Variants in PRKCQ observed in about 807,000 individuals in gnomAD.
PRKCQ encodes protein kinase C theta, also known as protein kinase C theta type.
Under a neutral mutation model 91.2 loss-of-function variants are expected in PRKCQ, and 41 were observed. The ratio of observed to expected loss-of-function variants is 0.45; its 90% CI spans 0.35 to 0.58. The LOEUF (loss-of-function observed/expected upper bound fraction) is 0.58, where lower values mean the gene tolerates loss of function less well. PRKCQ is among the 20% of genes least tolerant of loss of function. PRKCQ has a pLI of 0.00. For missense variants in PRKCQ, 673 were observed against 896.5 expected (o/e 0.75, Z 3.18); for synonymous variants, 307 against 316.9 (o/e 0.97, Z 0.33).
intron 8 of PRKCQ, among the ~76,000 whole-genome samples, chr10:6,490,823 C>T (rs1837255339): frequency 6.6e-6 from 1 of 151,448 alleles, no homozygotes. Flanking sequence ...CCTTTTGTGG[C>T]TCTATTCTCT....
At chr10:6,436,562 C>T (rs533291266) in intron 16 of PRKCQ, among the ~76,000 whole-genome samples, 57 of 152,292 alleles carry the variant, frequency 3.7e-4, no homozygotes, top group African/African-American at 1.3e-3. Flanking sequence ...CTGAGAGTCA[C>T]GCCCACCCTC....
At chr10:6,403,300 C>T in the PRKCQ span, among the ~76,000 whole-genome samples, 1 of 152,226 alleles carries the variant, frequency 6.6e-6, no homozygotes, top group Non-Finnish European at 1.5e-5. Flanking sequence ...AGTTCGCTGC[C>T]AGTGTCTTAG....
the PRKCQ span, among the ~76,000 whole-genome samples, chr10:6,396,654 G>C: frequency 6.6e-6 from 1 of 152,328 alleles, no homozygotes; most frequent in Non-Finnish European, 1.5e-5. Context: ...TGTTGTGTGA[G>C]TATGGCACTA....
chr10:6,416,280 T>C, the PRKCQ span, among the ~76,000 whole-genome samples: 1 of 152,166 alleles, frequency 6.6e-6, no homozygotes, highest in Non-Finnish European at 1.5e-5. Flanking sequence ...ATACGTTCTT[T>C]AGCGGTGATT....
intron 17 of PRKCQ, among the ~76,000 whole-genome samples, chr10:6,429,768 G>A (rs994817898): frequency 6.7e-6 from 1 of 149,426 alleles, no homozygotes; most frequent in Non-Finnish European, 1.5e-5. Context: ...ACAGTCTCTC[G>A]CTCTGTCACC....
intron 16 of PRKCQ, among the ~76,000 whole-genome samples, chr10:6,439,034 C>T (rs1441306482): frequency 6.6e-6 from 1 of 152,244 alleles, no homozygotes; most frequent in Non-Finnish European, 1.5e-5. Flanking sequence ...TTTCATTCTA[C>T]AACTTGCTAC....
In PRKCQ at chr10:6,471,743, CCTT is replaced by C. The variant is rs541982932; in HGVS notation, c.1353+7246_1353+7248del. ...CCAATCTGGGCGACAGAGTGAGACTCCTTCTCAAAACAAACAAACAAACACAAC... is the reference window on the plus strand; with the variant it reads ...CCAATCTGGGCGACAGAGTGAGACTCCTCAAAACAAACAAACAAACACAAC... On this transcript the variant is annotated intron_variant, in intron 12 of 17. Coordinates refer to ENST00000263125, the MANE Select transcript of PRKCQ (RefSeq NM_006257.5). Among the ~76,000 whole-genome samples, 5 of 152,098 alleles carry C rather than the reference CCTT, an allele frequency of 3.3e-5. No homozygotes were observed. In the South Asian group the frequency reaches 1.0e-3, roughly 32 times the overall value.
At chr10:6,479,767 T>TAAAAAA (rs34610362) in intron 11 of PRKCQ, among the ~76,000 whole-genome samples, 3 of 38,996 alleles carry the variant, frequency 7.7e-5, no homozygotes, top group African/African-American at 1.1e-4. Context: ...CCGTCTCGAC[T>TAAAAAA]AAAAAAAAAA....
the PRKCQ span, among the ~76,000 whole-genome samples, chr10:6,419,685 C>CTTT: frequency 3.7e-5 from 4 of 108,026 alleles, no homozygotes; most frequent in Non-Finnish European, 3.9e-5. Flanking sequence ...CTGAAATCTC[C>CTTT]TTTTTTTTTT....
the PRKCQ span, among the ~76,000 whole-genome samples, chr10:6,402,792 C>T: frequency 6.6e-6 from 1 of 152,168 alleles, no homozygotes; most frequent in Non-Finnish European, 1.5e-5. Flanking sequence ...CACCTGTAGT[C>T]CCAGCTACTT....
At chr10:6,514,012 A>G (rs571852097) in intron 2 of PRKCQ, among the ~76,000 whole-genome samples, 16 of 152,240 alleles carry the variant, frequency 1.1e-4, no homozygotes, top group African/African-American at 3.4e-4. Context: ...GCAAGAATAG[A>G]TGCTCTAAAG....
At chr10:6,544,106 A>G (rs1839867594) in intron 1 of PRKCQ, among the ~76,000 whole-genome samples, 1 of 152,194 alleles carries the variant, frequency 6.6e-6, no homozygotes. Flanking sequence ...AAGAGCTCTC[A>G]GGAAAGATGT....
chr10:6,557,830 T>C (rs1840478770), intron 1 of PRKCQ, among the ~76,000 whole-genome samples: 2 of 152,202 alleles, frequency 1.3e-5, no homozygotes, highest in African/African-American at 4.8e-5. Context: ...TACCACTTAC[T>C]GAGTCTTCCA....
chr10:6,572,556 AC>A (rs1841085488), intron 1 of PRKCQ, among the ~76,000 whole-genome samples: 1 of 152,212 alleles, frequency 6.6e-6, no homozygotes, highest in African/African-American at 2.4e-5. Context: ...CCTGCAAAGG[AC>A]AGGGATCTCA....
chr10:6,431,171 A>T (rs1028323837), intron 16 of PRKCQ, among the ~76,000 whole-genome samples: 1 of 152,176 alleles, frequency 6.6e-6, no homozygotes, highest in Non-Finnish European at 1.5e-5. Flanking sequence ...CTGATTTGAA[A>T]CCGGCTTTGC....
chr10:6,501,269 G>A (rs1837895375), intron 4 of PRKCQ, among the ~76,000 whole-genome samples: 1 of 152,014 alleles, frequency 6.6e-6, no homozygotes, highest in Non-Finnish European at 1.5e-5. Context: ...AAAACTCAAG[G>A]AGGTAAAAAG....
chr10:6,399,338 T>A, the PRKCQ span, among the ~76,000 whole-genome samples: 60 of 152,368 alleles, frequency 3.9e-4, no homozygotes, highest in East Asian at 9.4e-3. Context: ...ATGTTGAGAA[T>A]GTGCTCAATT....
chr10:6,454,536 G>C (rs1300714417), intron 15 of PRKCQ, among the ~76,000 whole-genome samples: 1 of 152,096 alleles, frequency 6.6e-6, no homozygotes, highest in Non-Finnish European at 1.5e-5. Context: ...GATTTGAAGG[G>C]TAAGAAAGAA....
At chr10:6,449,218 C>G (rs1283622104) in intron 15 of PRKCQ, among the ~76,000 whole-genome samples, 4 of 143,792 alleles carry the variant, frequency 2.8e-5, no homozygotes, top group Non-Finnish European at 6.0e-5. Context: ...CTAGAATAAG[C>G]AATAGAGAGA....
Sources: gnomAD v4.1 joint callset for allele counts (sites outside exome capture counted in the v4.1 genomes callset) on GRCh38, gnomAD v4.1.1 for gene constraint, MANE v1.5 for transcripts, NCBI Gene and HGNC (gene_info 2026-07-23, HGNC 2026-07-21) for gene names.